The following SBNO2 variants were observed in gnomAD, a reference collection of about 807,000 sequenced individuals.
SBNO2 encodes the protein strawberry notch homolog 2.
Under a neutral mutation model 146.3 loss-of-function variants are expected in SBNO2, and 89 were observed. The observed-to-expected ratio is 0.61, with a 90% CI of 0.51 to 0.73. The LOEUF (loss-of-function observed/expected upper bound fraction) is 0.73. Ranked by LOEUF, SBNO2 falls within the 30% of genes least tolerant of loss-of-function variation. The pLI, the probability that SBNO2 is intolerant of heterozygous loss-of-function variation, is 0.00. For synonymous variants in SBNO2, 1,147 were observed against 892.6 expected (o/e 1.29, Z -5.08); for missense variants, 2,092 against 2,003.7 (o/e 1.04, Z -0.84).
chr19:1,111,147 A>C (rs1284352386), intron 24 of SBNO2, 54 bp from the exon 25 acceptor site: 17 of 1,517,380 alleles, frequency 1.1e-5, no homozygotes, highest in African/African-American at 1.4e-5. Flanking sequence ...CCCTCCCTCG[A>C]AGCCCCTAGC....
Position 1,114,591 on chromosome 19 carries a change from A to G in SBNO2, c.1886-169T>C, listed in dbSNP as rs565332921. 3.9e-5 allele frequency among the ~76,000 whole-genome samples: 6 copies of G among 152,212 alleles called. No individual in the cohort carries two copies. The South Asian group carries it at 1.0e-3, about 26-fold the overall frequency. On this transcript the variant is annotated intron_variant, in intron 17 of 31. Transcript: ENST00000361757. ...CAGCTGTTCTCCAGGGACGCCCTCT[A>G]GGGAACCCCGTGCCCTGTGGCCAGG...
In SBNO2 at chr19:1,112,818, C is replaced by G; in HGVS notation, c.2379G>C (p.Lys793Asn). The G allele has an allele frequency of 6.4e-7, 1 of 1,569,972 alleles. No homozygotes were observed. The highest frequency in any genetic ancestry group is 8.6e-7 in the Non-Finnish European group (1 of 1,159,286). The part of the protein sequence containing the change: ...REKQRFMSGE[K>N]LVAIISEASS... Reference sequence around the variant, plus strand: ...CGCCCAGTGCACTGCAGCCCCGCACCTTCTCGCCGCTCATGAAGCGCTGCT... The same window carrying G: ...CGCCCAGTGCACTGCAGCCCCGCACGTTCTCGCCGCTCATGAAGCGCTGCT... The change falls in exon 20 of 32, where the codon AAG becomes AAC. Residue 793 changes from lysine to asparagine, a missense_variant and splice_region_variant. Transcript: ENST00000361757. The surrounding 1 kb of genome is among the most constrained non-coding windows in gnomAD (Gnocchi z 5.9).
chr19:1,162,500 A>G (rs2080358644), intron 1 of SBNO2, among the ~76,000 whole-genome samples: 1 of 149,580 alleles, frequency 6.7e-6, no homozygotes, highest in Admixed American at 6.6e-5. Context: ...AGGAGCCTGG[A>G]TCTCAACCCC....
chr19:1,147,335 GC>G lies in SBNO2; in HGVS notation c.252del (p.Leu84PhefsTer169). ...TGAGCAAAGTCGCAGGTCTTTGGTGGCAAGCTGGAGGCGGTGGCCACGGGGG... is the reference window on the plus strand; with the variant it reads ...TGAGCAAAGTCGCAGGTCTTTGGTGGAAGCTGGAGGCGGTGGCCACGGGGG... Reference protein sequence around the residue: ...SYAPVATASSLPPKTCDFAQD... With the variant: ...SYAPVATASSXPPKTCDFAQD... On this transcript the variant is annotated frameshift_variant, in exon 4 of 32. Coordinates refer to ENST00000361757, the MANE Select transcript of SBNO2 (RefSeq NM_014963.3). LOFTEE classifies it high-confidence loss of function. 1 of 1,575,798 alleles carries G rather than the reference GC, an allele frequency of 6.3e-7. No homozygotes were observed. The highest frequency in any genetic ancestry group is 8.6e-7 in the Non-Finnish European group (1 of 1,164,588).
At chr19:1,116,585 G>C (rs964568376) in intron 16 of SBNO2, among the ~76,000 whole-genome samples, 1 of 152,156 alleles carries the variant, frequency 6.6e-6, no homozygotes, top group African/African-American at 2.4e-5. Context: ...CTCCTTCTGA[G>C]ACCCCTGGAG....
rs2080308075 is a variant in SBNO2 at position 1,157,950 on chromosome 19, T to C, written c.-126-3548A>G. 6.7e-6 allele frequency among the ~76,000 whole-genome samples: 1 copy of C among 149,888 alleles called. No homozygotes were observed. The highest frequency in any genetic ancestry group is 1.5e-5 in the Non-Finnish European group (1 of 67,668). ...GCTCTCTCCTGAGTCCGGATAACTG[T>C]CCGCCTCCCAGCTCTCTCCTGAGTC... On this transcript the variant is annotated intron_variant, in intron 1 of 31. Coordinates refer to ENST00000361757, the MANE Select transcript of SBNO2 (RefSeq NM_014963.3). The surrounding 1 kb of genome is among the most constrained non-coding windows in gnomAD (Gnocchi z 6.8).
At position 1,110,893 on chromosome 19, in the gene SBNO2, T is replaced by C. The variant is rs1427293293; in HGVS notation, c.2885-5A>G. 6.2e-7 allele frequency: 1 copy of C among 1,613,288 alleles called. No homozygotes were observed. The highest frequency in any genetic ancestry group is 1.7e-5 in the Admixed American group (1 of 59,996). On this transcript the variant is annotated splice_region_variant and splice_polypyrimidine_tract_variant and intron_variant, in intron 25 of 31. Transcript: ENST00000361757. This position sits in a 1 kb window ranked among gnomAD's most constrained non-coding sequence, Gnocchi z 4.9. Reference sequence around the variant, plus strand: ...GGAACTTGGTGATGGAACAGTCTGGTAGGGGAGGGAGCCAAGCCTCAGGCT... The same window carrying C: ...GGAACTTGGTGATGGAACAGTCTGGCAGGGGAGGGAGCCAAGCCTCAGGCT...
Position 1,109,752 on chromosome 19 carries a change from G to C in SBNO2, c.3054C>G (p.Ile1018Met). Residue 1018 changes from isoleucine to methionine, a missense_variant, in exon 27 of 32, where the codon ATC becomes ATG. Transcript: ENST00000361757. The surrounding 1 kb of genome is among the most constrained non-coding windows in gnomAD (Gnocchi z 4.2). ...GGAACACCTGCTGGCTCTCCTCGTAGATCTCCTCGATACCGGGAGCAAGGT... is the reference window on the plus strand; with the variant it reads ...GGAACACCTGCTGGCTCTCCTCGTACATCTCCTCGATACCGGGAGCAAGGT... ...ILDLAPGIEE[I>M]YEESQQVFLA... is the part of the protein sequence containing the mutation. 1.3e-6 allele frequency: 2 copies of C among 1,573,376 alleles called. No homozygotes were observed. The highest frequency in any genetic ancestry group is 1.7e-6 in the Non-Finnish European group (2 of 1,157,168).
intron 1 of SBNO2, among the ~76,000 whole-genome samples, chr19:1,161,627 C>G (rs997832597): frequency 6.6e-6 from 1 of 151,758 alleles, no homozygotes; most frequent in East Asian, 1.9e-4. Flanking sequence ...CTCTTGGGCC[C>G]GATGAAGCGG....
At chr19:1,118,156 A>G (rs558631155) in intron 14 of SBNO2, among the ~76,000 whole-genome samples, 1 of 152,212 alleles carries the variant, frequency 6.6e-6, no homozygotes, top group African/African-American at 2.4e-5. Context: ...CCTGACCAAC[A>G]TGGAGAAATC....
intron 1 of SBNO2, among the ~76,000 whole-genome samples, chr19:1,156,804 G>A (rs1185723795): frequency 6.6e-6 from 1 of 150,970 alleles, no homozygotes; most frequent in Non-Finnish European, 1.5e-5. Context: ...TCCAGAGACA[G>A]AAGGGGATGC....
chr19:1,150,742 T>G lies in SBNO2; in HGVS notation c.94-1300A>C, dbSNP rs553420502. ...TCTATGAGGCCCTGATGCAATTCCC[T>G]GGGGCTCGGCCACCTCTGCCCCTCA... On this transcript the variant is annotated intron_variant, in intron 2 of 31. Coordinates refer to ENST00000361757, the MANE Select transcript of SBNO2 (RefSeq NM_014963.3). This position sits in a 1 kb window ranked among gnomAD's most constrained non-coding sequence, Gnocchi z 6.2. 1.2e-4 allele frequency among the ~76,000 whole-genome samples: 19 copies of G among 152,184 alleles called. No individual in the cohort carries two copies. In the East Asian group the frequency reaches 3.5e-3, roughly 28 times the overall value.
chr19:1,124,161 C>A, intron 5 of SBNO2, 139 bp from the exon 6 acceptor site: 1 of 784,990 alleles, frequency 1.3e-6, no homozygotes, highest in South Asian at 1.5e-5. Context: ...GGCCCTGGGT[C>A]TTGCTCTCCT....
chr19:1,117,049 G>A (rs1972789137), intron 15 of SBNO2, 123 bp from the exon 16 acceptor site: 3 of 954,474 alleles, frequency 3.1e-6, no homozygotes, highest in South Asian at 1.6e-5. Flanking sequence ...GCCTCCCCAG[G>A]AGGGGCCACG....
chr19:1,170,706 G>C (rs1241193349), intron 1 of SBNO2, among the ~76,000 whole-genome samples: 1 of 151,930 alleles, frequency 6.6e-6, no homozygotes, highest in Non-Finnish European at 1.5e-5. Flanking sequence ...GCACAAGCAG[G>C]GGTGCATGAG....
intron 4 of SBNO2, among the ~76,000 whole-genome samples, chr19:1,128,876 G>A (rs184922353): frequency 0.013 from 1,965 of 152,032 alleles, 26 homozygotes; most frequent in Non-Finnish European, 0.021. Flanking sequence ...GCTGAGGCGG[G>A]AGGATCACCT....
At chr19:1,120,817 C>T (rs771490992) in intron 11 of SBNO2, among the ~76,000 whole-genome samples, 7 of 152,112 alleles carry the variant, frequency 4.6e-5, no homozygotes, top group Non-Finnish European at 7.3e-5. Flanking sequence ...TACAAGTGTG[C>T]GCCACCACGC....
chr19:1,172,866 T>G (rs1286219091), intron 1 of SBNO2, among the ~76,000 whole-genome samples: 1 of 145,994 alleles, frequency 6.8e-6, no homozygotes, highest in Admixed American at 7.1e-5. Context: ...GTGCAACAGA[T>G]GGCACCAAAC....
rs1258465761 is a variant in SBNO2 at position 1,151,000 on chromosome 19, C to T, written c.94-1558G>A. Among the ~76,000 whole-genome samples the T allele has an allele frequency of 1.3e-5, 2 of 152,250 alleles. No homozygotes were observed. The highest frequency in any genetic ancestry group is 2.1e-4 in the South Asian group (1 of 4,834). Reference sequence around the variant, plus strand: ...CCTGGGCACCCTGAGCTCCTGCACCCGTGAGAAGACCCCGTGCAAGTGGCT... The same window carrying T: ...CCTGGGCACCCTGAGCTCCTGCACCTGTGAGAAGACCCCGTGCAAGTGGCT... On this transcript the variant is annotated intron_variant, in intron 2 of 31. Transcript: ENST00000361757. The surrounding 1 kb of genome is among the most constrained non-coding windows in gnomAD (Gnocchi z 6.2).
Sources: gnomAD v4.1 joint callset for allele counts (sites outside exome capture counted in the v4.1 genomes callset) on GRCh38, gnomAD v4.1.1 for gene constraint, Gnocchi (gnomAD v3.1) non-coding constraint, MANE v1.5 for transcripts, NCBI Gene and HGNC (gene_info 2026-07-23, HGNC 2026-07-21) for gene names.